The following GSE1 variants were observed in gnomAD, a reference collection of about 807,000 sequenced individuals.
GSE1 encodes the protein genetic suppressor element 1.
GSE1 carries 32 observed loss-of-function variants against 112.6 expected under a neutral mutation model. The observed-to-expected ratio is 0.28, with a 90% CI of 0.21 to 0.38. The LOEUF is 0.38. Among genes scored for constraint, GSE1 ranks in the 10% least tolerant of loss-of-function variants. The pLI is 1.00. For missense variants in GSE1, 2,348 were observed against 1,699.2 expected, an observed-to-expected ratio of 1.38 and a Z score of -6.71; for synonymous variants, 1,115 against 735.6, an observed-to-expected ratio of 1.52 and a Z score of -8.35.
At chr16:85,668,024 C>T (rs1479221349) in intron 13 of GSE1, 116 bp from the exon 14 acceptor site, 2 of 772,498 alleles carry the variant, frequency 2.6e-6, no homozygotes, top group African/African-American at 3.5e-5. Context: ...ATCTTGGTCC[C>T]CGGAGCCCTG....
At chr16:85,438,689 G>A (rs1422773614) in intron 2 of GSE1, among the ~76,000 whole-genome samples, 1 of 152,198 alleles carries the variant, frequency 6.6e-6, no homozygotes, top group Non-Finnish European at 1.5e-5. Flanking sequence ...TCTGTTTTTT[G>A]AATGACTGCT....
At chr16:85,450,618 T>A (rs1458191827) in intron 2 of GSE1, among the ~76,000 whole-genome samples, 11 of 150,842 alleles carry the variant, frequency 7.3e-5, no homozygotes, top group Admixed American at 2.0e-4. Flanking sequence ...CCAGCTACTT[T>A]TTTTGTATTT....
At position 85,675,949 on chromosome 16, in the gene GSE1, CTG is replaced by C. The variant is rs779778500; in HGVS notation, c.*3411_*3412del. On this transcript the variant is annotated 3_prime_UTR_variant, in exon 16 of 16. Transcript: ENST00000253458. ...CTTGACCTGAGGAAGACCATGCTAA[CTG>C]GTGTTATTTTGTATGTACCCTGTGC... is the stretch of plus-strand genomic sequence containing the variant. 3.9e-4 allele frequency: 60 copies of C among 152,728 alleles called. No individual in the cohort carries two copies. The highest frequency in any genetic ancestry group is 6.2e-4 in the South Asian group (3 of 4,830). 9.5% of individuals were successfully genotyped at this position (152,728 alleles called of 1,614,324 possible).
At chr16:85,560,128 C>CCT (rs2045442248) in intron 1 of GSE1, among the ~76,000 whole-genome samples, 1 of 99,162 alleles carries the variant, frequency 1.0e-5, no homozygotes, top group East Asian at 3.1e-4. Flanking sequence ...TCTTCTTCTT[C>CCT]TTTTTTTTTT....
intron 11 of GSE1, 104 bp from the exon 12 acceptor site, chr16:85,664,911 T>G (rs1174751314): frequency 1.3e-6 from 1 of 767,286 alleles, no homozygotes. Flanking sequence ...TTTTTCGGGC[T>G]TTAGTGCTTT....
At chr16:85,565,246 G>C (rs568835714) in intron 1 of GSE1, among the ~76,000 whole-genome samples, 1 of 152,134 alleles carries the variant, frequency 6.6e-6, no homozygotes, top group South Asian at 2.1e-4. Flanking sequence ...AAAAAAATTA[G>C]CCGGGCATGG....
intron 1 of GSE1, among the ~76,000 whole-genome samples, chr16:85,330,826 C>T (rs1234578717): frequency 6.6e-6 from 1 of 152,216 alleles, no homozygotes; most frequent in Non-Finnish European, 1.5e-5. Context: ...CCCTGTCTTT[C>T]TCTATCTCCC....
intron 1 of GSE1, among the ~76,000 whole-genome samples, chr16:85,341,411 A>G (rs955495992): frequency 7.9e-5 from 12 of 152,198 alleles, no homozygotes; most frequent in African/African-American, 2.9e-4. Context: ...TAATCCCAGT[A>G]CTTTGGGAGG....
At chr16:85,241,139 T>C (rs554999266) in intron 1 of GSE1, among the ~76,000 whole-genome samples, 109 of 152,262 alleles carry the variant, frequency 7.2e-4, no homozygotes, top group Non-Finnish European at 1.1e-3. Context: ...CTGGCTCTGA[T>C]ACTTCCTAGC....
At chr16:85,507,024 G>A (rs1044719341) in intron 2 of GSE1, among the ~76,000 whole-genome samples, 2 of 152,164 alleles carry the variant, frequency 1.3e-5, no homozygotes, top group Non-Finnish European at 2.9e-5. Context: ...CAGTGGCTCT[G>A]CCTCCCTCCT....
At chr16:85,232,279 C>G (rs991635556) in intron 1 of GSE1, among the ~76,000 whole-genome samples, 2 of 152,208 alleles carry the variant, frequency 1.3e-5, no homozygotes, top group Non-Finnish European at 2.9e-5. Flanking sequence ...CCAGGGGCCT[C>G]ACTTTGAAAA....
intron 1 of GSE1, among the ~76,000 whole-genome samples, chr16:85,224,774 G>A (rs987301981): frequency 6.6e-6 from 1 of 151,932 alleles, no homozygotes; most frequent in African/African-American, 2.4e-5. Flanking sequence ...CGGATCATGA[G>A]GTCAGGAGTT....
chr16:85,627,410 G>A (rs2049168327), intron 1 of GSE1, among the ~76,000 whole-genome samples: 1 of 152,086 alleles, frequency 6.6e-6, no homozygotes, highest in African/African-American at 2.4e-5. Context: ...ACATGAAGAA[G>A]GGGTATGTCC....
chr16:85,664,978 C>A (rs750221828), intron 11 of GSE1, 37 bp from the exon 12 acceptor site: 4 of 1,295,460 alleles, frequency 3.1e-6, no homozygotes, highest in Non-Finnish European at 1.1e-6. Context: ...AAAAATGATG[C>A]AACTGGCTCG....
In GSE1 at chr16:85,251,645, G is replaced by A. The variant is rs573076417; in HGVS notation, c.2283+79838G>A. Among the ~76,000 whole-genome samples, 137 of 152,250 alleles carry A rather than the reference G, an allele frequency of 9.0e-4. 1 individual carries two copies. The highest frequency in any genetic ancestry group is 3.1e-3 in the African/African-American group (128 of 41,480). On this transcript the variant is annotated intron_variant, in intron 1 of 2. Coordinates refer to the GSE1 transcript ENST00000637419. ...TGGTGCCTCCCGGGCCTTGCTGGGC[G>A]GTCAGACCCTGCCTGCTGGGCACGT...
intron 1 of GSE1, among the ~76,000 whole-genome samples, chr16:85,215,828 C>G (rs1347779638): frequency 6.6e-6 from 1 of 152,160 alleles, no homozygotes; most frequent in African/African-American, 2.4e-5. Context: ...TCAACTCTCC[C>G]CTTCCCCCGT....
intron 1 of GSE1, among the ~76,000 whole-genome samples, chr16:85,275,506 C>T (rs569891141): frequency 2.6e-5 from 4 of 152,284 alleles, no homozygotes; most frequent in East Asian, 3.9e-4. Flanking sequence ...CTGTCTCACT[C>T]GACAAGCCAC....
Position 85,657,528 on chromosome 16 carries a change from G to T in GSE1, c.1564G>T (p.Val522Leu). 6.2e-7 allele frequency: 1 copy of T among 1,604,072 alleles called. No homozygotes were observed. The highest frequency in any genetic ancestry group is 1.1e-5 in the South Asian group (1 of 90,034). The part of the protein sequence containing the change: ...QSQVSEFRQQ[V>L]LEQHLDMGRP... ...TCAGGTGTCCGAGTTCCGGCAGCAG[G>T]TGCTGGAGCAGCACCTGGATATGGG... Residue 522 changes from valine to leucine, a missense_variant, in exon 8 of 16, where the codon GTG (valine) becomes TTG (leucine). Val to Leu is a conservative substitution (Grantham distance 32). Transcript: ENST00000253458.
chr16:85,563,451 C>CT (rs2045612375), intron 1 of GSE1, among the ~76,000 whole-genome samples: 1 of 152,208 alleles, frequency 6.6e-6, no homozygotes, highest in African/African-American at 2.4e-5. Flanking sequence ...TGGTCGTTAC[C>CT]CTCAGCCCCA....
Sources: allele counts gnomAD v4.1 joint callset (sites outside exome capture counted in the v4.1 genomes callset), GRCh38; gene constraint gnomAD v4.1.1; transcripts MANE v1.5; gene names NCBI Gene and HGNC (gene_info 2026-07-23, HGNC 2026-07-21).